MKRN1: variants seen among roughly 807,000 people sequenced by gnomAD.
MKRN1 encodes E3 ubiquitin-protein ligase makorin-1.
Under a neutral mutation model 55.5 loss-of-function variants are expected in MKRN1, and 9 were observed. That is an observed-to-expected ratio of 0.16 (90% CI 0.10 to 0.28). The LOEUF is 0.28. MKRN1 is among the 10% of genes least tolerant of loss of function. The pLI is 1.00. For missense variants in MKRN1, 488 were observed against 626.7 expected (o/e 0.78, Z 2.36); for synonymous variants, 253 against 235.9 (o/e 1.07, Z -0.66).
At chr7:140,455,043 C>T (rs1794427061) in intron 7 of MKRN1, 52 bp downstream of exon 7, 3 of 1,605,516 alleles carry the variant, frequency 1.9e-6, no homozygotes, top group Non-Finnish European at 2.6e-6. Context: ...ATGTGCAGGA[C>T]TCAACTGATA....
chr7:140,463,874 G>GC (rs1044436823), intron 2 of MKRN1, among the ~76,000 whole-genome samples: 2 of 151,610 alleles, frequency 1.3e-5, no homozygotes, highest in African/African-American at 4.8e-5. Context: ...GGGCGACAGA[G>GC]CAAGACTCCA....
Position 140,474,005 on chromosome 7 carries a change from AAAAGAAAGAAAGAAAG to A in MKRN1, c.186-2010_186-1995del, listed in dbSNP as rs71272543. Among the ~76,000 whole-genome samples the A allele has an allele frequency of 3.5e-3, 232 of 65,662 alleles. 3 individuals are homozygous for A. Among genetic ancestry groups the A allele is most frequent in the Admixed American group, 9.5e-3 (61 of 6,446 alleles). The allele number at this position is 65,662 out of a possible 152,430, so 43.1% of individuals were successfully genotyped here. A position where few individuals can be genotyped will look rare whatever the true frequency, so the allele number is the denominator to read the frequency against. On this transcript the variant is annotated intron_variant, in intron 1 of 7. Transcript: ENST00000255977. ...GAAACTCCGTCTCAAAAAAAAAAAA[AAAAGAAAGAAAGAAAG>A]AAAGAAAGAAAGAAAGAAAGAAAGA...
intron 4 of MKRN1, 54 bp downstream of exon 4, chr7:140,458,953 G>T: frequency 6.4e-7 from 1 of 1,561,048 alleles, no homozygotes. Flanking sequence ...TGCTGTGAAA[G>T]GGCAAATAAT....
chr7:140,460,510 A>T (rs1200528997), intron 2 of MKRN1, among the ~76,000 whole-genome samples: 1 of 151,858 alleles, frequency 6.6e-6, no homozygotes, highest in Non-Finnish European at 1.5e-5. Context: ...CCGTTTGGCC[A>T]GGCTGATCTC....
intron 1 of MKRN1, chr7:140,475,217 C>A (rs1351675390): frequency 2.3e-6 from 1 of 441,516 alleles, no homozygotes; most frequent in Admixed American, 2.4e-5. Context: ...ATGGCACGTG[C>A]CTGTAATCCC....
At chr7:140,456,078 C>G (rs897152968) in intron 5 of MKRN1, 178 bp from the exon 6 acceptor site, 2 of 1,003,060 alleles carry the variant, frequency 2.0e-6, no homozygotes, top group African/African-American at 3.3e-5. Flanking sequence ...GCAAGGCAAC[C>G]TCCTTTATAA....
chr7:140,466,727 G>A (rs186297292), intron 2 of MKRN1, among the ~76,000 whole-genome samples: 2 of 151,508 alleles, frequency 1.3e-5, no homozygotes, highest in African/African-American at 2.4e-5. Flanking sequence ...TGGCGTGAAC[G>A]TGGGAAGCGG....
At chr7:140,460,858 C>T (rs1358376306) in intron 2 of MKRN1, among the ~76,000 whole-genome samples, 1 of 152,252 alleles carries the variant, frequency 6.6e-6, no homozygotes, top group African/African-American at 2.4e-5. Context: ...AACTCTGAAA[C>T]TGCAGTGCAA....
chr7:140,460,532 C>G (rs1794591311), intron 2 of MKRN1, among the ~76,000 whole-genome samples: 1 of 151,822 alleles, frequency 6.6e-6, no homozygotes, highest in African/African-American at 2.4e-5. Context: ...AACTCCTGAC[C>G]TCAGATGATC....
At chr7:140,456,627 A>G in intron 5 of MKRN1, 25 bp downstream of exon 5, 1 of 1,610,624 alleles carries the variant, frequency 6.2e-7, no homozygotes, top group African/African-American at 1.3e-5. Flanking sequence ...AGAAAGCACA[A>G]ATGAAGACTG....
chr7:140,472,515 T>C (rs1248074546), intron 1 of MKRN1: 3 of 152,682 alleles, frequency 2.0e-5, no homozygotes. Flanking sequence ...TGTTTTTGCT[T>C]TGTAGCTGGG....
intron 2 of MKRN1, among the ~76,000 whole-genome samples, chr7:140,465,896 A>G (rs1210905479): frequency 6.6e-6 from 1 of 152,138 alleles, no homozygotes; most frequent in African/African-American, 2.4e-5. Context: ...CCTGGCCAAC[A>G]TGGTGAAACC....
intron 2 of MKRN1, among the ~76,000 whole-genome samples, chr7:140,467,885 C>T (rs1173866757): frequency 6.6e-6 from 1 of 151,692 alleles, no homozygotes; most frequent in Non-Finnish European, 1.5e-5. Flanking sequence ...GCCTGTAATC[C>T]CAGCTACTTG....
At chr7:140,456,947 C>CA in intron 4 of MKRN1, 81 bp from the exon 5 acceptor site, 1 of 1,336,464 alleles carries the variant, frequency 7.5e-7, no homozygotes, top group Non-Finnish European at 1.0e-6. Context: ...GATTCACAGT[C>CA]AAAGAATCAA....
rs1259480593 is a variant in MKRN1, at chr7:140,479,488, G to A, written c.-144C>T. 6 of 837,222 alleles carry A rather than the reference G, an allele frequency of 7.2e-6. No individual in the cohort carries two copies. Among genetic ancestry groups the A allele is most frequent in the South Asian group, 4.8e-5 (1 of 20,752 alleles). 51.9% of individuals were successfully genotyped at this position (837,222 alleles called of 1,614,324 possible). ...GTTCGGTCCCCGCCTGCTACGCGTC[G>A]CGTATCTGAGCGCTCTCGCCACTTC... On this transcript the variant is annotated 5_prime_UTR_variant, in exon 1 of 8. Coordinates refer to ENST00000255977, the MANE Select transcript of MKRN1 (RefSeq NM_013446.4).
chr7:140,477,434 C>T (rs1585503091), intron 1 of MKRN1, among the ~76,000 whole-genome samples: 1 of 152,110 alleles, frequency 6.6e-6, no homozygotes, highest in Non-Finnish European at 1.5e-5. Flanking sequence ...CAACTCCCTG[C>T]CTCAGCCTCC....
At chr7:140,470,215 G>A (rs115738944) in intron 2 of MKRN1, among the ~76,000 whole-genome samples, 205 of 143,602 alleles carry the variant, frequency 1.4e-3, no homozygotes, top group African/African-American at 5.2e-3. Context: ...GCAAAACTCC[G>A]TCTTGAAAAA....
chr7:140,456,077 C>T (rs751327687), intron 5 of MKRN1, 177 bp from the exon 6 acceptor site: 90 of 992,088 alleles, frequency 9.1e-5, no homozygotes, highest in Non-Finnish European at 1.2e-4. Flanking sequence ...AGCAAGGCAA[C>T]CTCCTTTATA....
rs2130261314 is a variant in MKRN1, at chr7:140,459,223, G to A, written c.555C>T (p.Ser185=). 6.2e-7 allele frequency: 1 copy of A among 1,613,890 alleles called. No homozygotes were observed. Among genetic ancestry groups the A allele is most frequent in the East Asian group, 2.2e-5 (1 of 44,880 alleles). ...GQPYCGRTAP[S]CTEAPLQGSV... ...AGCCCTGCAGGGGTGCTTCAGTGCA[G>A]GAAGGCGCAGCTGAAAATGTGTAAG... The change falls in exon 4 of 8, where the codon TCC becomes TCT. Residue 185 remains serine (S), a synonymous_variant. Transcript: ENST00000255977.
Sources: gnomAD v4.1 joint callset for allele counts (sites outside exome capture counted in the v4.1 genomes callset) on GRCh38, gnomAD v4.1.1 for gene constraint, MANE v1.5 for transcripts, NCBI Gene and HGNC (gene_info 2026-07-23, HGNC 2026-07-21) for gene names.